ZDHHC2: variants seen among roughly 807,000 people sequenced by gnomAD.
The protein encoded by ZDHHC2 is palmitoyltransferase ZDHHC2.
Under a neutral mutation model 55.6 loss-of-function variants are expected in ZDHHC2, and 51 were observed. The observed-to-expected ratio is 0.92, with a 90% CI of 0.73 to 1.16. The LOEUF (loss-of-function observed/expected upper bound fraction) is 1.16. Among genes scored for constraint, ZDHHC2 ranks in the 50% most tolerant of loss-of-function variants. The pLI is 0.00. For synonymous variants in ZDHHC2, 199 were observed against 152.9 expected, an observed-to-expected ratio of 1.30 and a Z score of -2.22; for missense variants, 491 against 442.4, an observed-to-expected ratio of 1.11 and a Z score of -0.99.
intron 10 of ZDHHC2, among the ~76,000 whole-genome samples, chr8:17,215,029 A>G (rs937544825): frequency 2.0e-5 from 3 of 152,166 alleles, no homozygotes; most frequent in African/African-American, 2.4e-5. Context: ...TAAGCAGAAG[A>G]AGGAAAAGAG....
At chr8:17,181,892 C>T (rs543515100) in intron 1 of ZDHHC2, among the ~76,000 whole-genome samples, 1 of 152,156 alleles carries the variant, frequency 6.6e-6, no homozygotes, top group South Asian at 2.1e-4. Context: ...TTTTCTTGAA[C>T]AGTTACTTTT....
chr8:17,218,087 G>GT (rs1807730057), intron 12 of ZDHHC2, among the ~76,000 whole-genome samples: 1 of 152,148 alleles, frequency 6.6e-6, no homozygotes, highest in Non-Finnish European at 1.5e-5. Context: ...AGTTAGCCAT[G>GT]TATTGTCAGC....
intron 3 of ZDHHC2, among the ~76,000 whole-genome samples, chr8:17,189,944 A>G (rs1238454775): frequency 1.3e-5 from 2 of 152,196 alleles, no homozygotes; most frequent in Admixed American, 6.5e-5. Flanking sequence ...GGGAGAGCTA[A>G]GGTTCAACCA....
intron 10 of ZDHHC2, among the ~76,000 whole-genome samples, chr8:17,213,452 A>G (rs952182931): frequency 2.6e-5 from 4 of 151,824 alleles, no homozygotes; most frequent in Non-Finnish European, 4.4e-5. Flanking sequence ...GGGTATCACC[A>G]TATTGGCCAG....
intron 1 of ZDHHC2, among the ~76,000 whole-genome samples, chr8:17,167,466 G>A (rs1238727405): frequency 2.0e-5 from 3 of 151,698 alleles, no homozygotes; most frequent in African/African-American, 7.3e-5. Flanking sequence ...CCATCATGCC[G>A]GGCTAATTTT....
intron 2 of ZDHHC2, among the ~76,000 whole-genome samples, chr8:17,186,122 A>C (rs1480530792): frequency 2.0e-5 from 3 of 152,204 alleles, no homozygotes; most frequent in African/African-American, 7.2e-5. Flanking sequence ...CATAGATCTC[A>C]TTATGCATTT....
At chr8:17,162,933 A>C (rs1056368818) in intron 1 of ZDHHC2, 1 of 152,208 alleles carries the variant, frequency 6.6e-6, no homozygotes, top group Non-Finnish European at 1.5e-5. Flanking sequence ...ATCTTACCAC[A>C]TATATTTAGT....
At chr8:17,210,260 C>G in intron 9 of ZDHHC2, 128 bp from the exon 10 acceptor site, 1 of 1,064,808 alleles carries the variant, frequency 9.4e-7, no homozygotes, top group African/African-American at 1.6e-5. Context: ...ATGTTGAGCT[C>G]AATGTCTAAT....
chr8:17,215,159 C>T, intron 10 of ZDHHC2, 78 bp from the exon 11 acceptor site: 1 of 1,344,882 alleles, frequency 7.4e-7, no homozygotes, highest in Non-Finnish European at 1.0e-6. Flanking sequence ...GTTTTGGTTC[C>T]ATACATTGAG....
intron 8 of ZDHHC2, 91 bp downstream of exon 8, chr8:17,208,183 C>G (rs1807200085): frequency 4.6e-6 from 6 of 1,316,698 alleles, no homozygotes; most frequent in Non-Finnish European, 6.0e-6. Flanking sequence ...CCAACTTGCC[C>G]TGAAGTGGTG....
chr8:17,184,745 G>A (rs1370346933), intron 1 of ZDHHC2, 44 bp from the exon 2 acceptor site: 7 of 1,520,066 alleles, frequency 4.6e-6, no homozygotes, highest in South Asian at 1.3e-5. Flanking sequence ...AGCCCCGTTT[G>A]CCATAAGCTT....
intron 10 of ZDHHC2, among the ~76,000 whole-genome samples, chr8:17,211,473 G>GTTGT (rs367963141): frequency 5.9e-5 from 9 of 151,898 alleles, no homozygotes; most frequent in East Asian, 3.9e-4. Flanking sequence ...TTTTGTTGTT[G>GTTGT]TTGTTTGTTT....
rs753641497 is a variant in ZDHHC2 at position 17,217,124 on chromosome 8, A to G, written c.1064-48A>G. The G allele has an allele frequency of 9.4e-6, 15 of 1,592,826 alleles. No homozygotes were observed. The South Asian group carries it at 1.2e-4, about 13-fold the overall frequency. On this transcript the variant is annotated intron_variant, in intron 11 of 12. Transcript: ENST00000262096. ...ATAGATGAATAAGAAGTTTCTGCCT[A>G]TTTGTTCAAAAGCAACCAAAAATGC...
At chr8:17,164,367 T>G (rs1804500375) in intron 1 of ZDHHC2, among the ~76,000 whole-genome samples, 1 of 152,180 alleles carries the variant, frequency 6.6e-6, no homozygotes, top group Non-Finnish European at 1.5e-5. Flanking sequence ...ATGTTATTGA[T>G]TGGATTACAT....
chr8:17,204,195 T>C (rs1308035688), intron 6 of ZDHHC2, among the ~76,000 whole-genome samples: 1 of 152,246 alleles, frequency 6.6e-6, no homozygotes, highest in Non-Finnish European at 1.5e-5. Flanking sequence ...CTTTACCTTA[T>C]ATTTTTTGAG....
chr8:17,156,618 C>G lies in ZDHHC2; in HGVS notation c.-106C>G, dbSNP rs1804056405. ...CGGCAGTGGCCGCAGCGCACCCCGC[C>G]GCCGCCCAGGAGCCCGTCCAGCCAG... On this transcript the variant is annotated 5_prime_UTR_variant, in exon 1 of 13. Transcript: ENST00000262096. The G allele has an allele frequency of 7.5e-6, 7 of 930,030 alleles. No individual in the cohort carries two copies. In the South Asian group the frequency reaches 2.5e-4, roughly 33 times the overall value. 57.6% of individuals were successfully genotyped at this position (930,030 alleles called of 1,614,324 possible).
At chr8:17,167,588 G>A (rs1377643091) in intron 1 of ZDHHC2, among the ~76,000 whole-genome samples, 3 of 151,998 alleles carry the variant, frequency 2.0e-5, no homozygotes, top group Admixed American at 6.5e-5. Context: ...GAGCCACCAC[G>A]CCCGGCCACA....
At position 17,199,867 on chromosome 8, in the gene ZDHHC2, C is replaced by T. The variant is rs182713397; in HGVS notation, c.476+1454C>T. ...CTCTGCCTCCCGGGTTCAAGCGATT[C>T]TCCTGCCTCAGCCTCCTGAGTAGCC... On this transcript the variant is annotated intron_variant, in intron 6 of 12. Coordinates refer to ENST00000262096, the MANE Select transcript of ZDHHC2 (RefSeq NM_016353.5). 7.5e-4 allele frequency among the ~76,000 whole-genome samples: 113 copies of T among 151,246 alleles called. 1 individual carries two copies. Among genetic ancestry groups the T allele is most frequent in the Non-Finnish European group, 6.6e-4 (45 of 67,874 alleles).
chr8:17,185,833 G>A (rs1805679768), intron 2 of ZDHHC2, among the ~76,000 whole-genome samples: 1 of 152,150 alleles, frequency 6.6e-6, no homozygotes, highest in Non-Finnish European at 1.5e-5. Context: ...AAATCTCTTT[G>A]TCCAGATGTT....
Sources: allele counts gnomAD v4.1 joint callset (sites outside exome capture counted in the v4.1 genomes callset), GRCh38; gene constraint gnomAD v4.1.1; transcripts MANE v1.5; gene names NCBI Gene and HGNC (gene_info 2026-07-23, HGNC 2026-07-21).